CDIP1: variants seen among roughly 807,000 people sequenced by gnomAD.
CDIP1 encodes the protein cell death-inducing p53-target protein 1.
A neutral mutation model predicts 17.7 loss-of-function variants in CDIP1; 9 were observed. The ratio of observed to expected loss-of-function variants is 0.51; its 90% CI spans 0.31 to 0.89. The LOEUF is 0.89. CDIP1 is among the 40% of genes least tolerant of loss of function. The pLI is 0.05. For synonymous variants in CDIP1, 117 were observed against 109.5 expected, an observed-to-expected ratio of 1.07 and a Z score of -0.43; for missense variants, 263 against 277.9, an observed-to-expected ratio of 0.95 and a Z score of 0.38.
At chr16:4,531,676 G>T (rs1479982970) in intron 1 of CDIP1, among the ~76,000 whole-genome samples, 3 of 152,240 alleles carry the variant, frequency 2.0e-5, no homozygotes, top group African/African-American at 7.2e-5. Context: ...GCTGCCTGGA[G>T]ATGACAGAGC....
chr16:4,519,190 G>C (rs1280341011), intron 1 of CDIP1, among the ~76,000 whole-genome samples: 1 of 152,184 alleles, frequency 6.6e-6, no homozygotes, highest in Non-Finnish European at 1.5e-5. Context: ...TGTGGCATGT[G>C]AAGGTGTGGA....
intron 1 of CDIP1, among the ~76,000 whole-genome samples, chr16:4,534,044 G>C (rs1381472605): frequency 6.6e-6 from 1 of 151,946 alleles, no homozygotes; most frequent in Non-Finnish European, 1.5e-5. Flanking sequence ...CCCAACTCCC[G>C]AGTTCAAGCA....
At chr16:4,520,115 A>G (rs2058930004) in intron 1 of CDIP1, among the ~76,000 whole-genome samples, 1 of 146,752 alleles carries the variant, frequency 6.8e-6, no homozygotes, top group African/African-American at 2.7e-5. Context: ...GACAAGTGGT[A>G]GGTTTTTTTT....
intron 1 of CDIP1, among the ~76,000 whole-genome samples, chr16:4,536,140 T>G (rs1046729975): frequency 6.6e-6 from 1 of 152,190 alleles, no homozygotes; most frequent in African/African-American, 2.4e-5. Context: ...TGCCACAACT[T>G]TAACTACCAT....
chr16:4,518,569 C>T (rs996027697), intron 1 of CDIP1, among the ~76,000 whole-genome samples: 4 of 152,318 alleles, frequency 2.6e-5, no homozygotes, highest in South Asian at 2.1e-4. Flanking sequence ...TATCCACATG[C>T]GTCCTCCTGC....
At chr16:4,531,453 C>A (rs2059056094) in intron 1 of CDIP1, among the ~76,000 whole-genome samples, 2 of 152,166 alleles carry the variant, frequency 1.3e-5, no homozygotes, top group Non-Finnish European at 2.9e-5. Context: ...AGTGTCTGCT[C>A]CTGGCCAGAG....
At chr16:4,537,718 C>T (rs554331771) in intron 1 of CDIP1, among the ~76,000 whole-genome samples, 2 of 152,332 alleles carry the variant, frequency 1.3e-5, no homozygotes, top group Admixed American at 1.3e-4. Flanking sequence ...GGAATCTGCC[C>T]GTTTCCCAAG....
chr16:4,516,444 G>C (rs2058888683), intron 1 of CDIP1, among the ~76,000 whole-genome samples: 1 of 152,132 alleles, frequency 6.6e-6, no homozygotes, highest in African/African-American at 2.4e-5. Flanking sequence ...AAAAAAATGA[G>C]GGAAAAGAAA....
At chr16:4,537,881 G>A (rs112951325) in intron 1 of CDIP1, among the ~76,000 whole-genome samples, 2,917 of 152,334 alleles carry the variant, frequency 0.019, 92 homozygotes, top group African/African-American at 0.066. Flanking sequence ...CCCCAAGCTA[G>A]GCCAGGCCGT....
chr16:4,538,543 G>C (rs1325222356), intron 1 of CDIP1, 159 bp downstream of exon 1: 1 of 151,886 alleles, frequency 6.6e-6, no homozygotes, highest in Non-Finnish European at 1.5e-5. Context: ...GGACTACGGT[G>C]CCCGGCATGC....
At chr16:4,520,953 T>G (rs937573639) in intron 1 of CDIP1, among the ~76,000 whole-genome samples, 2 of 152,218 alleles carry the variant, frequency 1.3e-5, no homozygotes, top group Non-Finnish European at 2.9e-5. Context: ...GTGCTTTTCC[T>G]CACGACAGCA....
intron 1 of CDIP1, chr16:4,538,318 G>T (rs538685527): frequency 3.3e-5 from 5 of 152,446 alleles, no homozygotes; most frequent in African/African-American, 1.2e-4. Context: ...CGCCGGCCCC[G>T]CTTTACCTCC....
At chr16:4,537,937 C>A (rs987085566) in intron 1 of CDIP1, among the ~76,000 whole-genome samples, 5 of 152,240 alleles carry the variant, frequency 3.3e-5, no homozygotes, top group African/African-American at 1.2e-4. Flanking sequence ...CATCCCGACT[C>A]CACACGTCGG....
chr16:4,515,573 C>G (rs2058879449), intron 1 of CDIP1, among the ~76,000 whole-genome samples: 2 of 152,026 alleles, frequency 1.3e-5, no homozygotes, highest in Non-Finnish European at 2.9e-5. Context: ...ATACAAAGAA[C>G]TCAACTCAAT....
chr16:4,535,899 G>GACAGAA lies in CDIP1; in HGVS notation c.-105+2797_-105+2802dup, dbSNP rs368306093. On this transcript the variant is annotated intron_variant, in intron 1 of 5. Coordinates refer to ENST00000567695, the MANE Select transcript of CDIP1 (RefSeq NM_013399.3). ...GCTTGGAGACTCCTGACTAGGCAGA[G>GACAGAA]ACAGAAACAGAAACTTTTTGTGGGA... Among the ~76,000 whole-genome samples the GACAGAA allele has an allele frequency of 9.5e-3, 1,450 of 152,326 alleles. 22 individuals carry two copies. The highest frequency in any genetic ancestry group is 0.033 in the African/African-American group (1,391 of 41,570).
intron 1 of CDIP1, chr16:4,533,710 C>T (rs2059078139): frequency 1.5e-5 from 2 of 132,614 alleles, no homozygotes; most frequent in Non-Finnish European, 3.4e-5. Context: ...CCCCACCCTT[C>T]CCAAGCCCAC....
At chr16:4,521,245 G>C (rs2058944529) in intron 1 of CDIP1, among the ~76,000 whole-genome samples, 1 of 152,104 alleles carries the variant, frequency 6.6e-6, no homozygotes, top group Admixed American at 6.6e-5. Context: ...CACAAACAAA[G>C]AGGCATGGTA....
intron 1 of CDIP1, among the ~76,000 whole-genome samples, chr16:4,523,520 G>GA (rs963427237): frequency 1.3e-4 from 19 of 150,058 alleles, no homozygotes; most frequent in African/African-American, 3.9e-4. Context: ...CTCAAAGAAA[G>GA]AAAAAAAAAG....
chr16:4,528,224 C>T (rs1311144674), intron 1 of CDIP1, among the ~76,000 whole-genome samples: 1 of 152,160 alleles, frequency 6.6e-6, no homozygotes, highest in South Asian at 2.1e-4. Context: ...TATTTACATA[C>T]GTAACACATT....
Sources: gnomAD v4.1 joint callset for allele counts (sites outside exome capture counted in the v4.1 genomes callset) on GRCh38, gnomAD v4.1.1 for gene constraint, MANE v1.5 for transcripts, NCBI Gene and HGNC (gene_info 2026-07-23, HGNC 2026-07-21) for gene names.